The following DDX60 variants were observed in gnomAD, a reference collection of about 807,000 sequenced individuals.
The protein encoded by DDX60 is probable ATP-dependent RNA helicase DDX60.
DDX60 carries 165 observed loss-of-function variants against 212.8 expected under a neutral mutation model. The observed-to-expected ratio is 0.78, with a 90% CI of 0.68 to 0.88. DDX60 has a LOEUF of 0.88. Ranked by LOEUF, DDX60 falls within the 40% of genes least tolerant of loss-of-function variation. The probability of loss-of-function intolerance (pLI) is 0.00; values close to 1 mark genes in which losing one functional copy is unlikely to be tolerated. For synonymous variants in DDX60, 703 were observed against 685.3 expected, an observed-to-expected ratio of 1.03 and a Z score of -0.40; for missense variants, 1,905 against 2,003.9, an observed-to-expected ratio of 0.95 and a Z score of 0.94.
chr4:168,302,295 G>A lies in DDX60; in HGVS notation c.723+5C>T, dbSNP rs1736679402. On this transcript the variant is annotated splice_donor_5th_base_variant and intron_variant, in intron 6 of 37. Coordinates refer to ENST00000393743, the MANE Select transcript of DDX60 (RefSeq NM_017631.6). The stretch of plus-strand genomic sequence containing the variant: ...AATACAAAGCTTTTTAAAATGTTTT[G>A]TTACCTCTTCCGTAATATTATTCCA... 2 of 1,427,028 alleles carry A rather than the reference G, an allele frequency of 1.4e-6. No individual in the cohort carries two copies. Among genetic ancestry groups the A allele is most frequent in the East Asian group, 2.4e-5 (1 of 42,436 alleles). 88.4% of individuals were successfully genotyped at this position (1,427,028 alleles called of 1,614,324 possible).
intron 17 of DDX60, among the ~76,000 whole-genome samples, 154 bp from the exon 18 acceptor site, chr4:168,273,552 TTC>T (rs1425194455): frequency 6.6e-6 from 1 of 152,222 alleles, no homozygotes; most frequent in Non-Finnish European, 1.5e-5. Context: ...CACTAACATA[TTC>T]TCTTTGAGAT....
chr4:168,317,237 C>T (rs546122410), intron 1 of DDX60, among the ~76,000 whole-genome samples: 1 of 151,988 alleles, frequency 6.6e-6, no homozygotes, highest in African/African-American at 2.4e-5. Context: ...ACAGGACACA[C>T]ACATACAAAA....
chr4:168,262,609 G>C, intron 23 of DDX60, 74 bp downstream of exon 23: 1 of 963,112 alleles, frequency 1.0e-6, no homozygotes, highest in East Asian at 2.7e-5. Flanking sequence ...TTAGATGCCA[G>C]TGATTAGAAA....
At chr4:168,267,722 A>C in intron 21 of DDX60, 31 bp from the exon 22 acceptor site, 1 of 1,536,384 alleles carries the variant, frequency 6.5e-7, no homozygotes, top group Non-Finnish European at 8.9e-7. Flanking sequence ...TTTCCACATC[A>C]ATGGAAATGT....
Position 168,237,707 on chromosome 4 carries a change from T to C in DDX60, c.4253A>G (p.Gln1418Arg). Reference protein sequence around the residue: ...MLKLYFLFSLQFLVKEGYLDQ... With the variant: ...MLKLYFLFSLRFLVKEGYLDQ... The stretch of plus-strand genomic sequence containing the variant: ...AATGCATACCTCTTTCACCAGGAAC[T>C]GCAAAGAAAACAGGAAGTAAAGTTT... The change falls in exon 31 of 38, where the codon CAG becomes CGG. Residue 1418 changes from glutamine (Q) to arginine (R), a missense_variant. Coordinates refer to ENST00000393743, the MANE Select transcript of DDX60 (RefSeq NM_017631.6). 1 of 1,611,344 alleles carries C rather than the reference T, an allele frequency of 6.2e-7. No individual in the cohort carries two copies. Among genetic ancestry groups the C allele is most frequent in the Non-Finnish European group, 8.5e-7 (1 of 1,178,720 alleles).
chr4:168,281,727 T>C (rs375435945), intron 13 of DDX60, among the ~76,000 whole-genome samples: 2 of 152,220 alleles, frequency 1.3e-5, no homozygotes, highest in East Asian at 1.9e-4. Context: ...TCCACACTTC[T>C]GGTTAGTCAC....
At chr4:168,260,134 C>CT (rs1320777266) in intron 25 of DDX60, among the ~76,000 whole-genome samples, 5 of 151,916 alleles carry the variant, frequency 3.3e-5, no homozygotes, top group Admixed American at 6.6e-5. Context: ...TAAAATTATA[C>CT]TTTAAGTTCT....
intron 27 of DDX60, 102 bp from the exon 28 acceptor site, chr4:168,251,208 C>T: frequency 9.0e-7 from 1 of 1,109,808 alleles, no homozygotes; most frequent in Non-Finnish European, 1.3e-6. Context: ...TTTGGCTAAA[C>T]AGGCAACTAT....
chr4:168,253,247 C>A (rs993003839), intron 26 of DDX60, among the ~76,000 whole-genome samples: 1 of 152,186 alleles, frequency 6.6e-6, no homozygotes, highest in Non-Finnish European at 1.5e-5. Flanking sequence ...TCTTGCCAAA[C>A]CCAGTTCTCC....
In DDX60 at chr4:168,273,342, T is replaced by A. The variant is rs1416693749; in HGVS notation, c.2511A>T (p.Pro837=). The change falls in exon 18 of 38, where the codon CCA becomes CCT. Residue 837 remains proline, a synonymous_variant. Transcript: ENST00000393743. The stretch of plus-strand genomic sequence containing the variant: ...AAACACCACAGAGAACTTCACCACT[T>A]GGCAGATTTTTCGTAAAACGATTCT... ...TVQNRFTKNL[P]SGEVLCGVFT... 6.2e-7 allele frequency: 1 copy of A among 1,613,944 alleles called. No homozygotes were observed.
At chr4:168,236,814 C>T (rs1733645437) in intron 32 of DDX60, among the ~76,000 whole-genome samples, 1 of 151,404 alleles carries the variant, frequency 6.6e-6, no homozygotes, top group Admixed American at 6.6e-5. Context: ...ATACTATTAG[C>T]TATTTAGGTA....
At chr4:168,296,763 T>C (rs778324357) in intron 6 of DDX60, among the ~76,000 whole-genome samples, 3 of 152,018 alleles carry the variant, frequency 2.0e-5, no homozygotes, top group Non-Finnish European at 4.4e-5. Context: ...ATCTCATCAT[T>C]ATCTCCAAAA....
chr4:168,227,201 T>C (rs1200861421), intron 33 of DDX60, among the ~76,000 whole-genome samples: 1 of 132,484 alleles, frequency 7.5e-6, no homozygotes. Flanking sequence ...GGGTTTTCTT[T>C]GTGGGAATGT....
chr4:168,277,577 C>T (rs1261834261), intron 14 of DDX60, among the ~76,000 whole-genome samples: 1 of 152,066 alleles, frequency 6.6e-6, no homozygotes, highest in Non-Finnish European at 1.5e-5. Context: ...GTGGCTCACA[C>T]CCGTAATCCC....
rs374886685 is a variant in DDX60 at position 168,237,369 on chromosome 4, T to C, written c.4328A>G (p.His1443Arg). 52 of 1,600,200 alleles carry C rather than the reference T, an allele frequency of 3.2e-5. No individual in the cohort carries two copies. The highest frequency in any genetic ancestry group is 8.0e-5 in the African/African-American group (6 of 74,562). Residue 1443 changes from histidine to arginine, a missense_variant, in exon 32 of 38, where the codon CAT becomes CGT. By Grantham distance (29) the His-to-Arg change is conservative. Transcript: ENST00000393743. The part of the protein sequence containing the change: ...MGFAGLVSHL[H>R]YHEPSNLVFV... Reference sequence around the variant, plus strand: ...AACAAGATTAGAAGGTTCATGATAATGCAAATGTGATACAAGTCCAGCAAA... The same window carrying C: ...AACAAGATTAGAAGGTTCATGATAACGCAAATGTGATACAAGTCCAGCAAA...
chr4:168,267,976 G>A lies in DDX60; in HGVS notation c.2794C>T (p.Gln932Ter), dbSNP rs1244992045. The change falls in exon 21 of 38, where the codon CAA becomes TAA. Residue 932 changes from glutamine to a stop codon, truncating the protein, a stop_gained. Coordinates refer to ENST00000393743, the MANE Select transcript of DDX60 (RefSeq NM_017631.6). LOFTEE classifies it high-confidence loss of function. ...SNPEHLTEWL[Q>*]SVKWYWKQED... ...TGTTTCCAGTACCATTTTACCGATT[G>A]TAGCCACCTTAAAAAATAAATGTAC... 5 of 1,607,232 alleles carry A rather than the reference G, an allele frequency of 3.1e-6. No individual in the cohort carries two copies.
rs780212065 is a variant in DDX60 at position 168,216,801 on chromosome 4, G to T, written c.*132C>A. The T allele has an allele frequency of 1.7e-6, 1 of 572,832 alleles. No individual in the cohort carries two copies. The highest frequency in any genetic ancestry group is 3.0e-6 in the Non-Finnish European group (1 of 336,176). The allele number at this position is 572,832 out of a possible 1,614,324, so 35.5% of individuals were successfully genotyped here. On this transcript the variant is annotated 3_prime_UTR_variant, in exon 38 of 38. Transcript: ENST00000393743. Reference sequence around the variant, plus strand: ...AACTCTGTTTGATTCCAAAGTGTTTGCTCTTTCCACTTCATCGTAATGTAT... The same window carrying T: ...AACTCTGTTTGATTCCAAAGTGTTTTCTCTTTCCACTTCATCGTAATGTAT...
intron 12 of DDX60, among the ~76,000 whole-genome samples, chr4:168,284,537 G>A (rs534304748): frequency 1.6e-4 from 25 of 152,240 alleles, no homozygotes; most frequent in African/African-American, 5.3e-4. Context: ...CAATATATAT[G>A]ACTCCAAGGA....
chr4:168,268,093 G>T, intron 20 of DDX60, 110 bp from the exon 21 acceptor site: 1 of 890,168 alleles, frequency 1.1e-6, no homozygotes, highest in Non-Finnish European at 1.6e-6. Context: ...TGTACTTAGG[G>T]GAATAGACTC....
Sources: gnomAD v4.1 joint callset for allele counts (sites outside exome capture counted in the v4.1 genomes callset) on GRCh38, gnomAD v4.1.1 for gene constraint, MANE v1.5 for transcripts, NCBI Gene and HGNC (gene_info 2026-07-23, HGNC 2026-07-21) for gene names.